Variants in CAST observed in about 807,000 individuals in gnomAD.
CAST encodes the protein calpastatin, also known as MIR583 host.
Under a neutral mutation model 119.6 loss-of-function variants are expected in CAST, and 76 were observed. The ratio of observed to expected loss-of-function variants is 0.64; its 90% CI spans 0.53 to 0.77. CAST has a LOEUF of 0.77. CAST is among the 30% of genes least tolerant of loss of function. The pLI is 0.00. For synonymous variants in CAST, 319 were observed against 331.6 expected (o/e 0.96, Z 0.41); for missense variants, 953 against 946.5 (o/e 1.01, Z -0.09).
At chr5:96,480,533 G>A in the CAST span, among the ~76,000 whole-genome samples, 6 of 152,100 alleles carry the variant, frequency 3.9e-5, no homozygotes, top group Admixed American at 3.9e-4. Context: ...ATAGAGAAAG[G>A]AAAATTACTG....
the CAST span, among the ~76,000 whole-genome samples, chr5:96,295,089 T>C: frequency 2.6e-5 from 4 of 152,238 alleles, no homozygotes; most frequent in African/African-American, 9.6e-5. Flanking sequence ...TGGAGAATAC[T>C]GAAGCAAACA....
intron 1 of CAST, among the ~76,000 whole-genome samples, chr5:96,603,875 C>T (rs1747205887): frequency 1.3e-5 from 2 of 150,106 alleles, no homozygotes; most frequent in African/African-American, 4.9e-5. Flanking sequence ...ACAATCCTTC[C>T]GTCTCAGCCT....
At chr5:96,698,770 A>G (rs553706514) in intron 3 of CAST, among the ~76,000 whole-genome samples, 179 of 152,348 alleles carry the variant, frequency 1.2e-3, no homozygotes, top group African/African-American at 4.1e-3. Flanking sequence ...AGAGTGGTAG[A>G]TAGAATTGGA....
the CAST span, among the ~76,000 whole-genome samples, chr5:96,440,914 A>G: frequency 6.6e-6 from 1 of 152,164 alleles, no homozygotes; most frequent in Non-Finnish European, 1.5e-5. Context: ...GATGAACACT[A>G]TTTCAAAGAG....
At chr5:96,701,623 G>A (rs1332990623) in intron 3 of CAST, among the ~76,000 whole-genome samples, 2 of 152,136 alleles carry the variant, frequency 1.3e-5, no homozygotes, top group East Asian at 1.9e-4. Context: ...TGGCCAACAT[G>A]GTGAAACCCT....
At chr5:96,593,807 GC>G (rs1332595264) in intron 1 of CAST, among the ~76,000 whole-genome samples, 3 of 152,184 alleles carry the variant, frequency 2.0e-5, no homozygotes, top group Non-Finnish European at 4.4e-5. Flanking sequence ...CCACCCAGGA[GC>G]AGGCCCGCAT....
chr5:96,731,228 T>G (rs1760412036), intron 9 of CAST, among the ~76,000 whole-genome samples: 1 of 152,212 alleles, frequency 6.6e-6, no homozygotes, highest in Admixed American at 6.5e-5. Flanking sequence ...TGATGCCAGC[T>G]GTCTTGATAC....
intron 3 of CAST, among the ~76,000 whole-genome samples, chr5:96,711,624 C>T (rs1285408802): frequency 6.6e-6 from 1 of 152,106 alleles, no homozygotes; most frequent in African/African-American, 2.4e-5. Context: ...AAATAACTTA[C>T]CCTAGGTCAC....
At chr5:96,582,826 C>T (rs536343147) in intron 1 of CAST, among the ~76,000 whole-genome samples, 7 of 152,098 alleles carry the variant, frequency 4.6e-5, no homozygotes, top group African/African-American at 1.4e-4. Flanking sequence ...CACTAGAAAC[C>T]ATTAAATATT....
intron 3 of CAST, among the ~76,000 whole-genome samples, chr5:96,711,571 T>C (rs1756162878): frequency 6.6e-6 from 1 of 152,228 alleles, no homozygotes; most frequent in South Asian, 2.1e-4. Flanking sequence ...TAAGGAGGTA[T>C]TGACAGTTTT....
chr5:96,700,906 A>G (rs1185823654), intron 3 of CAST, among the ~76,000 whole-genome samples: 1 of 152,218 alleles, frequency 6.6e-6, no homozygotes, highest in East Asian at 1.9e-4. Context: ...CACCTGACTT[A>G]CAGCAGAAGA....
intron 3 of CAST, among the ~76,000 whole-genome samples, chr5:96,701,629 AC>A (rs1233982055): frequency 2.0e-5 from 3 of 151,994 alleles, no homozygotes; most frequent in African/African-American, 7.2e-5. Flanking sequence ...ACATGGTGAA[AC>A]CCTGTCTCTA....
At chr5:96,552,131 C>T (rs1443735218) in intron 1 of CAST, among the ~76,000 whole-genome samples, 1 of 152,182 alleles carries the variant, frequency 6.6e-6, no homozygotes, top group African/African-American at 2.4e-5. Flanking sequence ...CTCAGCACCA[C>T]ATCGCACTTA....
At chr5:96,630,415 CA>C (rs1747800430) in intron 1 of CAST, among the ~76,000 whole-genome samples, 1 of 152,148 alleles carries the variant, frequency 6.6e-6, no homozygotes, top group Non-Finnish European at 1.5e-5. Flanking sequence ...GTTTACTGAA[CA>C]AGTAAGTTAC....
the CAST span, among the ~76,000 whole-genome samples, chr5:96,141,678 C>T: frequency 9.8e-5 from 15 of 152,318 alleles, 1 homozygote; most frequent in African/African-American, 2.9e-4. Flanking sequence ...AAATCCTATT[C>T]AAAGCTGCTA....
chr5:96,324,643 A>T, the CAST span, among the ~76,000 whole-genome samples: 3 of 152,212 alleles, frequency 2.0e-5, no homozygotes, highest in Non-Finnish European at 4.4e-5. Flanking sequence ...TAGTTTTTCA[A>T]GGTTTTTATT....
chr5:96,141,075 A>T, the CAST span, among the ~76,000 whole-genome samples: 1 of 150,574 alleles, frequency 6.6e-6, no homozygotes, highest in Non-Finnish European at 1.5e-5. Flanking sequence ...ATATGTAGGA[A>T]TTTGTCAGAT....
chr5:96,376,649 C>T, the CAST span, among the ~76,000 whole-genome samples: 1 of 152,074 alleles, frequency 6.6e-6, no homozygotes, highest in Non-Finnish European at 1.5e-5. Context: ...CCATGTGGGC[C>T]AGGCCGGTCT....
the CAST span, among the ~76,000 whole-genome samples, chr5:96,249,430 A>C: frequency 6.6e-6 from 1 of 152,204 alleles, no homozygotes; most frequent in Admixed American, 6.5e-5. Flanking sequence ...GGACATAATA[A>C]TACTACTTTC....
Sources: allele counts gnomAD v4.1 joint callset (sites outside exome capture counted in the v4.1 genomes callset), GRCh38; gene constraint gnomAD v4.1.1; transcripts MANE v1.5; gene names NCBI Gene and HGNC (gene_info 2026-07-23, HGNC 2026-07-21).